Variants in IL1RAPL1 observed in about 807,000 individuals in gnomAD.
IL1RAPL1 encodes interleukin-1 receptor accessory protein-like 1.
IL1RAPL1 carries 3 observed loss-of-function variants against 48.4 expected under a neutral mutation model. The ratio of observed to expected loss-of-function variants is 0.06; its 90% CI spans 0.03 to 0.16. IL1RAPL1 has a LOEUF of 0.16. Among genes scored for constraint, IL1RAPL1 ranks in the 10% least tolerant of loss-of-function variants. The pLI, the probability that IL1RAPL1 is intolerant of heterozygous loss-of-function variation, is 1.00. For missense variants in IL1RAPL1, 349 were observed against 530.6 expected (o/e 0.66, Z 3.36); for synonymous variants, 185 against 187.7 (o/e 0.99, Z 0.12).
chrX:28,938,529 C>T (rs1445708657), intron 2 of IL1RAPL1, among the ~76,000 whole-genome samples: 1 of 111,201 alleles, frequency 9.0e-6, no homozygotes, highest in East Asian at 2.8e-4. Context: ...GCTCAAGATG[C>T]ATTAATGACT....
At chrX:29,084,437 A>G (rs1927908675) in intron 2 of IL1RAPL1, among the ~76,000 whole-genome samples, 1 of 112,001 alleles carries the variant, frequency 8.9e-6, no homozygotes, top group Admixed American at 9.5e-5. Flanking sequence ...GTCCCTAAAA[A>G]AAGAGAAATC....
At chrX:29,768,919 G>T (rs1401569804) in intron 6 of IL1RAPL1, among the ~76,000 whole-genome samples, 2 of 111,356 alleles carry the variant, frequency 1.8e-5, no homozygotes, top group African/African-American at 6.5e-5. Flanking sequence ...CAGCTTGCAG[G>T]ACTTCTGCTC....
chrX:29,909,755 C>A lies in IL1RAPL1; in HGVS notation c.779-7709C>A, dbSNP rs186960151. Among the ~76,000 whole-genome samples, 402 of 111,442 alleles carry A rather than the reference C, an allele frequency of 3.6e-3. 1 individual carries two copies. The highest frequency in any genetic ancestry group is 5.2e-3 in the Non-Finnish European group (278 of 53,003). The stretch of plus-strand genomic sequence containing the variant: ...AGTTTCAGTGCTATGATTAAAAAGT[C>A]AAAACATAACAGATGCTGGCAAGGT... On this transcript the variant is annotated intron_variant, in intron 6 of 10. Coordinates refer to ENST00000378993, the MANE Select transcript of IL1RAPL1 (RefSeq NM_014271.4).
intron 2 of IL1RAPL1, among the ~76,000 whole-genome samples, chrX:28,883,696 A>G (rs930352180): frequency 8.9e-6 from 1 of 112,255 alleles, no homozygotes; most frequent in Non-Finnish European, 1.9e-5. Context: ...CTTTAAAAAT[A>G]ATGACTTTGT....
chrX:29,081,309 G>A (rs781719452), intron 2 of IL1RAPL1, among the ~76,000 whole-genome samples: 2 of 108,591 alleles, frequency 1.8e-5, no homozygotes, highest in East Asian at 2.9e-4. Context: ...ACCCGCCTCG[G>A]CCCCCCAAAG....
rs187527223 is a variant in IL1RAPL1, at chrX:28,621,207, G to A, written c.-25+33160G>A. 1.3e-4 allele frequency among the ~76,000 whole-genome samples: 14 copies of A among 111,941 alleles called. 1 individual carries two copies. The East Asian group carries it at 2.8e-3, about 22-fold the overall frequency. ...AAGAATCAAAGTTCCGTAAAAGCTC[G>A]GACACTATCTTTCTCCTTCTCCATT... On this transcript the variant is annotated intron_variant, in intron 1 of 10. Transcript: ENST00000378993.
intron 5 of IL1RAPL1, among the ~76,000 whole-genome samples, chrX:29,614,699 C>G (rs981752722): frequency 8.9e-6 from 1 of 111,988 alleles, no homozygotes; most frequent in African/African-American, 3.3e-5. Flanking sequence ...TGAAAGCTGC[C>G]TAAACACAAA....
intron 1 of IL1RAPL1, among the ~76,000 whole-genome samples, chrX:28,614,956 G>T (rs1019149833): frequency 2.7e-5 from 3 of 110,377 alleles, no homozygotes; most frequent in African/African-American, 9.9e-5. Context: ...TTGGGAGATC[G>T]TGGCTCACTG....
At chrX:28,832,298 A>T (rs1254603918) in intron 2 of IL1RAPL1, among the ~76,000 whole-genome samples, 2 of 110,447 alleles carry the variant, frequency 1.8e-5, no homozygotes, top group East Asian at 5.6e-4. Flanking sequence ...TCTCCTCTCT[A>T]CTTCTATGAG....
intron 2 of IL1RAPL1, among the ~76,000 whole-genome samples, chrX:29,249,575 T>A (rs747438303): frequency 3.6e-5 from 4 of 111,968 alleles, no homozygotes; most frequent in African/African-American, 1.3e-4. Flanking sequence ...ATTTTCAATT[T>A]TTTTCCTTCA....
intron 5 of IL1RAPL1, among the ~76,000 whole-genome samples, chrX:29,613,233 A>G (rs1398539665): frequency 8.9e-6 from 1 of 112,615 alleles, no homozygotes; most frequent in Non-Finnish European, 1.9e-5. Flanking sequence ...GTATTTACAA[A>G]ATATTGTTAT....
At chrX:29,767,968 C>G (rs1928956024) in intron 6 of IL1RAPL1, among the ~76,000 whole-genome samples, 1 of 110,970 alleles carries the variant, frequency 9.0e-6, no homozygotes, top group Admixed American at 9.6e-5. Flanking sequence ...AAAAAAAATC[C>G]TCCATTATGT....
At chrX:29,088,662 C>T (rs1343011052) in intron 2 of IL1RAPL1, among the ~76,000 whole-genome samples, 1 of 72,656 alleles carries the variant, frequency 1.4e-5, no homozygotes, top group Non-Finnish European at 2.4e-5. Context: ...GCAAGAGTGA[C>T]ACTCCTTCTC....
chrX:28,916,289 GCTGGGACA>G (rs1923489092), intron 2 of IL1RAPL1, among the ~76,000 whole-genome samples: 1 of 111,148 alleles, frequency 9.0e-6, no homozygotes, highest in Non-Finnish European at 1.9e-5. Flanking sequence ...GTCAATTCTT[GCTGGGACA>G]CTGGCTTTTT....
intron 1 of IL1RAPL1, among the ~76,000 whole-genome samples, chrX:28,612,395 G>A (rs982457553): frequency 4.5e-5 from 5 of 111,847 alleles, no homozygotes; most frequent in African/African-American, 1.3e-4. Context: ...CAGGGACCCC[G>A]GGCGGGGCGT....
At chrX:29,036,124 A>G (rs1926727372) in intron 2 of IL1RAPL1, among the ~76,000 whole-genome samples, 1 of 112,243 alleles carries the variant, frequency 8.9e-6, no homozygotes, top group Non-Finnish European at 1.9e-5. Context: ...CTTCATTGGC[A>G]TCTATGTGGC....
At chrX:29,903,179 T>A (rs1932529818) in intron 6 of IL1RAPL1, among the ~76,000 whole-genome samples, 2 of 95,657 alleles carry the variant, frequency 2.1e-5, no homozygotes, top group Admixed American at 2.6e-4. Flanking sequence ...TGTGTGTGTG[T>A]GTGTGAGAGA....
rs200388861 is a variant in IL1RAPL1 at position 29,028,295 on chromosome X, T to TG, written c.82+238870_82+238871insG. 1.7e-4 allele frequency among the ~76,000 whole-genome samples: 17 copies of TG among 101,521 alleles called. No individual in the cohort carries two copies. The South Asian group carries it at 3.4e-3, about 20-fold the overall frequency. 88.2% of individuals were successfully genotyped at this position (101,521 alleles called of 115,157 possible). On this transcript the variant is annotated intron_variant, in intron 2 of 10. Transcript: ENST00000378993. ...CGCCCTACTGTTTTTTTTGTTTGTT[T>TG]TTTTTTTTTTTTTTTGAGACGGAGT...
At chrX:28,620,740 T>C (rs1025665941) in intron 1 of IL1RAPL1, among the ~76,000 whole-genome samples, 7 of 111,890 alleles carry the variant, frequency 6.3e-5, no homozygotes, top group Non-Finnish European at 1.1e-4. Flanking sequence ...TCCAATCTAG[T>C]ACAGAGGAAA....
Sources: allele counts gnomAD v4.1 joint callset (sites outside exome capture counted in the v4.1 genomes callset), GRCh38; gene constraint gnomAD v4.1.1; transcripts MANE v1.5; gene names NCBI Gene and HGNC (gene_info 2026-07-23, HGNC 2026-07-21).